Variants in ATP8A1 observed in about 807,000 individuals in gnomAD.
ATP8A1 encodes phospholipid-transporting ATPase IA.
A neutral mutation model predicts 177.7 loss-of-function variants in ATP8A1; 90 were observed. That is an observed-to-expected ratio of 0.51 (90% CI 0.43 to 0.60). ATP8A1 has a LOEUF of 0.60. Among genes scored for constraint, ATP8A1 ranks in the 20% least tolerant of loss-of-function variants. ATP8A1 has a pLI of 0.00. For synonymous variants in ATP8A1, 493 were observed against 485.9 expected, an observed-to-expected ratio of 1.01 and a Z score of -0.19; for missense variants, 1,072 against 1,392.8, an observed-to-expected ratio of 0.77 and a Z score of 3.67.
At chr4:42,424,078 T>C (rs974493696) in intron 33 of ATP8A1, among the ~76,000 whole-genome samples, 2 of 152,152 alleles carry the variant, frequency 1.3e-5, no homozygotes, top group African/African-American at 4.8e-5. Context: ...TTTGATTATT[T>C]TTGGCTAACA....
rs900487856 is a variant in ATP8A1 at position 42,549,244 on chromosome 4, A to G, written c.1603-182T>C. Reference sequence around the variant, plus strand: ...TTGAGTTACAGGAAACAGAAAATCCAAAACAGGAGAAAACCAAAAGGAAAA... The same window carrying G: ...TTGAGTTACAGGAAACAGAAAATCCGAAACAGGAGAAAACCAAAAGGAAAA... On this transcript the variant is annotated intron_variant, in intron 18 of 36. Coordinates refer to ENST00000381668, the MANE Select transcript of ATP8A1 (RefSeq NM_006095.2). Among the ~76,000 whole-genome samples the G allele has an allele frequency of 1.6e-4, 25 of 152,228 alleles. 1 individual carries two copies. The highest frequency in any genetic ancestry group is 6.0e-4 in the African/African-American group (25 of 41,466).
At chr4:42,430,565 A>G (rs193269194) in intron 33 of ATP8A1, among the ~76,000 whole-genome samples, 1 of 151,808 alleles carries the variant, frequency 6.6e-6, no homozygotes, top group East Asian at 1.9e-4. Flanking sequence ...GGGGTTTGAC[A>G]TGCAGATTAT....
intron 4 of ATP8A1, among the ~76,000 whole-genome samples, chr4:42,623,865 C>T (rs1043624482): frequency 1.4e-4 from 21 of 152,006 alleles, no homozygotes; most frequent in Non-Finnish European, 1.6e-4. Context: ...AAAGTCTCTC[C>T]TTCTCTCTCT....
intron 6 of ATP8A1, among the ~76,000 whole-genome samples, chr4:42,597,005 A>T (rs962913443): frequency 2.0e-5 from 3 of 152,170 alleles, no homozygotes; most frequent in Admixed American, 2.0e-4. Flanking sequence ...ATGTATCTGC[A>T]AGTTAACCTT....
chr4:42,579,303 T>C (rs894568046), intron 11 of ATP8A1, among the ~76,000 whole-genome samples: 1 of 150,454 alleles, frequency 6.6e-6, no homozygotes, highest in African/African-American at 2.4e-5. Context: ...TTTTAAACCA[T>C]ATAAACCACT....
intron 25 of ATP8A1, among the ~76,000 whole-genome samples, chr4:42,478,012 G>A (rs1048749789): frequency 2.6e-5 from 4 of 151,576 alleles, no homozygotes; most frequent in African/African-American, 7.3e-5. Context: ...AAATAAATTC[G>A]TTCTACATAT....
chr4:42,634,624 T>C (rs1739089864), intron 1 of ATP8A1, among the ~76,000 whole-genome samples: 1 of 152,178 alleles, frequency 6.6e-6, no homozygotes, highest in Non-Finnish European at 1.5e-5. Context: ...AGTTATGAGC[T>C]CTGGTTACTT....
At chr4:42,576,052 G>C (rs1215242276) in intron 12 of ATP8A1, among the ~76,000 whole-genome samples, 2 of 152,078 alleles carry the variant, frequency 1.3e-5, no homozygotes, top group African/African-American at 4.8e-5. Context: ...CACAAGGCAG[G>C]TATTTAGTAA....
chr4:42,427,242 TA>T (rs1193869821), intron 33 of ATP8A1, among the ~76,000 whole-genome samples: 1 of 151,976 alleles, frequency 6.6e-6, no homozygotes, highest in Non-Finnish European at 1.5e-5. Flanking sequence ...AAGTAAACAA[TA>T]AAAAACTGGG....
chr4:42,463,867 C>T (rs1467096709), intron 27 of ATP8A1, among the ~76,000 whole-genome samples: 1 of 152,160 alleles, frequency 6.6e-6, no homozygotes, highest in Non-Finnish European at 1.5e-5. Flanking sequence ...GAGAGGGATG[C>T]TTGTATGTAA....
rs1440257657 is a variant in ATP8A1 at position 42,518,007 on chromosome 4, T to C, written c.1947+4153A>G. Among the ~76,000 whole-genome samples, 4 of 152,176 alleles carry C rather than the reference T, an allele frequency of 2.6e-5. No individual in the cohort carries two copies. In the East Asian group the frequency reaches 5.8e-4, roughly 22 times the overall value. On this transcript the variant is annotated intron_variant, in intron 22 of 36. Transcript: ENST00000381668. ...AGTAACATACCTGAGTAACTAAGCA[T>C]CACAACCAAAGGATAAATGCCTTGT...
intron 1 of ATP8A1, among the ~76,000 whole-genome samples, chr4:42,634,847 A>T (rs1338068198): frequency 6.6e-6 from 1 of 152,228 alleles, no homozygotes; most frequent in Non-Finnish European, 1.5e-5. Context: ...TAACACTTCT[A>T]CATGGGCAAA....
chr4:42,629,741 A>T (rs1456724126), intron 1 of ATP8A1, among the ~76,000 whole-genome samples: 2 of 152,236 alleles, frequency 1.3e-5, no homozygotes, highest in Non-Finnish European at 2.9e-5. Context: ...GACCTCAGAG[A>T]TCCTCAGGAA....
At chr4:42,423,571 G>T in intron 34 of ATP8A1, 46 bp downstream of exon 34, 1 of 1,311,510 alleles carries the variant, frequency 7.6e-7, no homozygotes, top group Non-Finnish European at 1.1e-6. Flanking sequence ...ATCTGAGGAT[G>T]AATATGCATC....
intron 1 of ATP8A1, among the ~76,000 whole-genome samples, chr4:42,633,729 G>A (rs745464296): frequency 4.6e-5 from 7 of 152,318 alleles, no homozygotes; most frequent in East Asian, 1.9e-4. Context: ...TGCCTGGCAC[G>A]TAGTAAGAGT....
At chr4:42,483,529 C>T (rs12502022) in intron 25 of ATP8A1, among the ~76,000 whole-genome samples, 16,115 of 152,122 alleles carry the variant, frequency 0.11, 1,050 homozygotes, top group Middle Eastern at 0.18. Flanking sequence ...CGCACGTGCA[C>T]GGCAGGGTGT....
chr4:42,531,799 T>C (rs1261803813), intron 20 of ATP8A1, among the ~76,000 whole-genome samples: 1 of 151,854 alleles, frequency 6.6e-6, no homozygotes, highest in Non-Finnish European at 1.5e-5. Context: ...AAAAAGCCAA[T>C]CCCATTTACA....
At chr4:42,550,457 T>C (rs949894570) in intron 18 of ATP8A1, among the ~76,000 whole-genome samples, 1 of 152,212 alleles carries the variant, frequency 6.6e-6, no homozygotes, top group South Asian at 2.1e-4. Flanking sequence ...TTCTGCTATA[T>C]AACTATGAGC....
chr4:42,462,532 C>A (rs960177583), intron 27 of ATP8A1, among the ~76,000 whole-genome samples: 8 of 152,226 alleles, frequency 5.3e-5, no homozygotes, highest in African/African-American at 1.9e-4. Flanking sequence ...GGAACCTCTG[C>A]CTAGATTTCT....
Sources: allele counts gnomAD v4.1 joint callset (sites outside exome capture counted in the v4.1 genomes callset), GRCh38; gene constraint gnomAD v4.1.1; transcripts MANE v1.5; gene names NCBI Gene and HGNC (gene_info 2026-07-23, HGNC 2026-07-21).